The following HPSE2 variants were observed in gnomAD, a reference collection of about 807,000 sequenced individuals.
HPSE2 encodes heparanase 2 (inactive).
A neutral mutation model predicts 60.5 loss-of-function variants in HPSE2; 38 were observed. The observed-to-expected ratio is 0.63, with a 90% CI of 0.48 to 0.82. The LOEUF (loss-of-function observed/expected upper bound fraction) is 0.82, where lower values mean the gene tolerates loss of function less well. Ranked by LOEUF, HPSE2 falls within the 40% of genes least tolerant of loss-of-function variation. HPSE2 has a pLI of 0.00. For synonymous variants in HPSE2, 295 were observed against 293.2 expected (o/e 1.01, Z -0.06); for missense variants, 713 against 740.4 (o/e 0.96, Z 0.43).
intron 3 of HPSE2, among the ~76,000 whole-genome samples, chr10:98,864,632 G>T (rs544319574): frequency 6.6e-6 from 1 of 152,092 alleles, no homozygotes. Context: ...ACTATACATG[G>T]TACATTTCCT....
At chr10:98,531,382 T>C (rs1264535921) in intron 9 of HPSE2, among the ~76,000 whole-genome samples, 1 of 152,158 alleles carries the variant, frequency 6.6e-6, no homozygotes, top group African/African-American at 2.4e-5. Flanking sequence ...ACAGCATATT[T>C]CAAAGCCTTT....
At chr10:98,755,612 C>T (rs1017676451) in intron 3 of HPSE2, among the ~76,000 whole-genome samples, 19 of 152,152 alleles carry the variant, frequency 1.2e-4, no homozygotes, top group African/African-American at 4.6e-4. Context: ...AGAAGACATG[C>T]TCGGTCATAA....
At chr10:99,241,793 T>G in the HPSE2 span, among the ~76,000 whole-genome samples, 1 of 152,168 alleles carries the variant, frequency 6.6e-6, no homozygotes, top group Non-Finnish European at 1.5e-5. Flanking sequence ...AATTGTGCTA[T>G]CGCTTTCTTA....
intron 9 of HPSE2, among the ~76,000 whole-genome samples, chr10:98,578,368 T>C (rs1271551525): frequency 7.2e-6 from 1 of 139,680 alleles, no homozygotes; most frequent in South Asian, 2.3e-4. Flanking sequence ...TTCAACCAAC[T>C]ATTTCCACAC....
intron 2 of HPSE2, among the ~76,000 whole-genome samples, chr10:99,152,310 CAAA>C (rs1004063463): frequency 1.9e-5 from 1 of 54,042 alleles, no homozygotes; most frequent in African/African-American, 5.9e-5. Flanking sequence ...GACTCCACCT[CAAA>C]AAAAAAAAAA....
intron 3 of HPSE2, among the ~76,000 whole-genome samples, chr10:99,132,146 GAAGA>G (rs1199987336): frequency 2.0e-3 from 56 of 28,498 alleles, no homozygotes; most frequent in Admixed American, 8.1e-3. Context: ...AGAAAGAAAG[GAAGA>G]AAGAAAGAAA....
At chr10:98,519,196 T>A (rs1942704289) in intron 9 of HPSE2, among the ~76,000 whole-genome samples, 1 of 152,230 alleles carries the variant, frequency 6.6e-6, no homozygotes, top group East Asian at 1.9e-4. Flanking sequence ...ATCATCATCA[T>A]CATCATCATT....
At chr10:98,824,829 A>G (rs1206024229) in intron 3 of HPSE2, among the ~76,000 whole-genome samples, 2 of 152,120 alleles carry the variant, frequency 1.3e-5, no homozygotes, top group South Asian at 2.1e-4. Flanking sequence ...ACCTCTTCAA[A>G]TGTTCCTTGT....
chr10:98,518,998 T>A (rs953555859), intron 9 of HPSE2, among the ~76,000 whole-genome samples: 7 of 151,840 alleles, frequency 4.6e-5, no homozygotes, highest in African/African-American at 1.5e-4. Flanking sequence ...AAAGTACCAA[T>A]GGGGGAAAAA....
chr10:99,142,132 T>A (rs577156878), intron 3 of HPSE2, among the ~76,000 whole-genome samples: 19 of 152,336 alleles, frequency 1.2e-4, no homozygotes, highest in African/African-American at 4.6e-4. Flanking sequence ...CTGGACTATG[T>A]GTTCTGAATG....
In HPSE2 at chr10:99,042,169, C is replaced by T. The variant is rs548026178; in HGVS notation, c.610+102069G>A. On this transcript the variant is annotated intron_variant, in intron 3 of 11. Coordinates refer to ENST00000370552, the MANE Select transcript of HPSE2 (RefSeq NM_021828.5). ...GGTCCCTGCCCTTCCTCCCAACAGG[C>T]TAGGGAGGAAACCAAGAGCCTGACT... 2.6e-5 allele frequency among the ~76,000 whole-genome samples: 4 copies of T among 151,978 alleles called. No homozygotes were observed. The South Asian group carries it at 8.3e-4, about 32-fold the overall frequency.
At chr10:99,303,353 T>A in the HPSE2 span, among the ~76,000 whole-genome samples, 1 of 152,116 alleles carries the variant, frequency 6.6e-6, no homozygotes, top group Non-Finnish European at 1.5e-5. Context: ...CCTGCTTGAT[T>A]AAGAGACACA....
At chr10:98,690,743 A>T (rs949405554) in intron 6 of HPSE2, among the ~76,000 whole-genome samples, 2 of 151,576 alleles carry the variant, frequency 1.3e-5, no homozygotes, top group Non-Finnish European at 2.9e-5. Context: ...GATACAAGCT[A>T]CTCCACTATA....
intron 3 of HPSE2, among the ~76,000 whole-genome samples, chr10:99,100,363 A>G (rs1360904992): frequency 1.3e-5 from 2 of 152,234 alleles, no homozygotes; most frequent in Non-Finnish European, 2.9e-5. Context: ...TTCAGTACCC[A>G]ACTCGATCAA....
At chr10:99,210,744 C>T (rs1466935513) in intron 2 of HPSE2, among the ~76,000 whole-genome samples, 2 of 152,096 alleles carry the variant, frequency 1.3e-5, no homozygotes, top group Non-Finnish European at 2.9e-5. Context: ...AAACTCTCCA[C>T]AAATTAAGTA....
At position 98,874,672 on chromosome 10, in the gene HPSE2, C is replaced by T. The variant is rs115575436; in HGVS notation, c.611-130616G>A. Among the ~76,000 whole-genome samples, 1,315 of 152,084 alleles carry T rather than the reference C, an allele frequency of 8.6e-3. 14 individuals are homozygous for T. Among genetic ancestry groups the T allele is most frequent in the African/African-American group, 0.03 (1,260 of 41,494 alleles). ...GTCGAATAGGAATGATGAGAGAGGG[C>T]GTCTTTGTCTTGTGCCGGTTTTCAA... On this transcript the variant is annotated intron_variant, in intron 3 of 11. Coordinates refer to ENST00000370552, the MANE Select transcript of HPSE2 (RefSeq NM_021828.5).
intron 3 of HPSE2, among the ~76,000 whole-genome samples, chr10:98,888,380 C>G (rs1463266237): frequency 2.0e-5 from 3 of 152,020 alleles, no homozygotes; most frequent in African/African-American, 7.2e-5. Context: ...ATATTTTTAC[C>G]TGCTTATTGT....
intron 3 of HPSE2, among the ~76,000 whole-genome samples, chr10:99,049,671 A>C (rs2135495714): frequency 6.6e-6 from 1 of 152,294 alleles, no homozygotes; most frequent in East Asian, 1.9e-4. Flanking sequence ...CTCCAGCAAA[A>C]GTATACTACA....
intron 3 of HPSE2, among the ~76,000 whole-genome samples, chr10:99,128,302 A>G (rs186817282): frequency 2.6e-5 from 4 of 152,304 alleles, no homozygotes; most frequent in Non-Finnish European, 4.4e-5. Context: ...CAGAAATACC[A>G]TTTGACTCAA....
Sources: allele counts gnomAD v4.1 joint callset (sites outside exome capture counted in the v4.1 genomes callset), GRCh38; gene constraint gnomAD v4.1.1; transcripts MANE v1.5; gene names NCBI Gene and HGNC (gene_info 2026-07-23, HGNC 2026-07-21).